Variants in SPTBN1 observed in about 807,000 individuals in gnomAD.
The protein encoded by SPTBN1 is spectrin beta chain, non-erythrocytic 1.
A neutral mutation model predicts 266.4 loss-of-function variants in SPTBN1; 32 were observed. The ratio of observed to expected loss-of-function variants is 0.12; its 90% CI spans 0.09 to 0.16. SPTBN1 has a LOEUF of 0.16. SPTBN1 is among the 10% of genes least tolerant of loss of function. SPTBN1 has a pLI of 1.00. For synonymous variants in SPTBN1, 1,336 were observed against 1,162.2 expected, an observed-to-expected ratio of 1.15 and a Z score of -3.04; for missense variants, 2,296 against 3,067.1, an observed-to-expected ratio of 0.75 and a Z score of 5.94.
chr2:54,623,734 C>T (rs1678145024), intron 10 of SPTBN1, 138 bp downstream of exon 10: 3 of 682,700 alleles, frequency 4.4e-6, no homozygotes, highest in Admixed American at 3.0e-5. Context: ...GCAGCTGGTG[C>T]TCAGGTGTGG....
At chr2:54,660,122 A>G (rs772218559) in intron 32 of SPTBN1, 123 bp downstream of exon 32, 2 of 1,595,860 alleles carry the variant, frequency 1.3e-6, no homozygotes, top group East Asian at 2.2e-5. Flanking sequence ...ACCCTTTCCA[A>G]ATCCTCTGGG....
At chr2:54,595,459 A>G (rs1472393983) in intron 2 of SPTBN1, among the ~76,000 whole-genome samples, 2 of 152,208 alleles carry the variant, frequency 1.3e-5, no homozygotes, top group Non-Finnish European at 2.9e-5. Context: ...GGAGGACTTG[A>G]TAACAGCGAT....
At chr2:54,596,124 C>A (rs1676074066) in intron 2 of SPTBN1, among the ~76,000 whole-genome samples, 1 of 152,142 alleles carries the variant, frequency 6.6e-6, no homozygotes, top group East Asian at 1.9e-4. Flanking sequence ...GCAGCTAGCC[C>A]CAGTCACAGC....
At position 54,623,609 on chromosome 2, in the gene SPTBN1, T is replaced by C; in HGVS notation, c.1182+13T>C. ...TGACATCAACAAGGTAAAGTGGATC[T>C]GGACTCTGCATGGGCCCTGACCTCC... On this transcript the variant is annotated intron_variant, in intron 10 of 35. Coordinates refer to ENST00000356805, the MANE Select transcript of SPTBN1 (RefSeq NM_003128.3). 1 of 1,606,744 alleles carries C rather than the reference T, an allele frequency of 6.2e-7. No individual in the cohort carries two copies. Among genetic ancestry groups the C allele is most frequent in the Non-Finnish European group, 8.5e-7 (1 of 1,174,048 alleles).
At chr2:54,513,293 G>A (rs1358887663) in intron 1 of SPTBN1, among the ~76,000 whole-genome samples, 1 of 152,196 alleles carries the variant, frequency 6.6e-6, no homozygotes, top group Non-Finnish European at 1.5e-5. Flanking sequence ...ACTTAGTATA[G>A]TGTTGGTTTT....
At chr2:54,589,169 G>T (rs1036738633) in intron 2 of SPTBN1, among the ~76,000 whole-genome samples, 5 of 152,292 alleles carry the variant, frequency 3.3e-5, no homozygotes, top group African/African-American at 1.2e-4. Context: ...CATCTTAGAA[G>T]AGGTAGTTGT....
intron 1 of SPTBN1, among the ~76,000 whole-genome samples, chr2:54,513,852 G>A (rs1234198390): frequency 6.6e-6 from 1 of 152,048 alleles, no homozygotes; most frequent in Non-Finnish European, 1.5e-5. Flanking sequence ...TATTTTAGTT[G>A]GTTCAAGTTA....
In SPTBN1 at chr2:54,653,726, G is replaced by A. The variant is rs775058180; in HGVS notation, c.5695G>A (p.Ala1899Thr). The change falls in exon 27 of 36, where the codon GCC (alanine) becomes ACC (threonine). Residue 1899 changes from alanine (A) to threonine (T), a missense_variant. Ala to Thr is a moderately conservative substitution (Grantham distance 58, BLOSUM62 0). This residue lies in a region of SPTBN1 where 644 missense variants were observed against 745.3 expected (regional missense o/e 0.86). Transcript: ENST00000356805. This position sits in a 1 kb window ranked among gnomAD's most constrained non-coding sequence, Gnocchi z 5.1. Reference protein sequence around the residue: ...VLEAWKSLLDACESRRVRLVD... With the variant: ...VLEAWKSLLDTCESRRVRLVD... ...GGAAGCCTGGAAGTCCCTCCTGGAC[G>A]CCTGTGAGAGCCGCAGGGTGCGGCT... 33 of 1,614,064 alleles carry A rather than the reference G, an allele frequency of 2.0e-5. No individual in the cohort carries two copies. The highest frequency in any genetic ancestry group is 6.7e-5 in the Admixed American group (4 of 59,990).
intron 12 of SPTBN1, among the ~76,000 whole-genome samples, chr2:54,627,134 C>T (rs2103907477): frequency 6.6e-6 from 1 of 152,286 alleles, no homozygotes; most frequent in Non-Finnish European, 1.5e-5. Flanking sequence ...CTGTTGCCTA[C>T]CTCTTGGACT....
At chr2:54,666,124 G>A in intron 34 of SPTBN1, 36 bp downstream of exon 34, 1 of 1,579,860 alleles carries the variant, frequency 6.3e-7, no homozygotes, top group Non-Finnish European at 8.6e-7. Context: ...GCCAGAGTGG[G>A]TTTGCATTTA....
intron 32 of SPTBN1, chr2:54,661,745 T>C (rs1681062582): frequency 2.0e-6 from 2 of 985,378 alleles, no homozygotes; most frequent in East Asian, 1.1e-4. Context: ...CATATATATA[T>C]GTGTGTGTGT....
chr2:54,665,145 C>G (rs935369235), intron 33 of SPTBN1, among the ~76,000 whole-genome samples: 1 of 152,156 alleles, frequency 6.6e-6, no homozygotes, highest in African/African-American at 2.4e-5. Flanking sequence ...GAGCGGTTAA[C>G]AAAGCTTTCT....
intron 2 of SPTBN1, among the ~76,000 whole-genome samples, chr2:54,560,456 C>A (rs1276555711): frequency 6.6e-6 from 1 of 152,010 alleles, no homozygotes; most frequent in Non-Finnish European, 1.5e-5. Context: ...GCTGTTATTC[C>A]GAAAGGGCTG....
At chr2:54,544,023 C>G (rs1435724246) in intron 2 of SPTBN1, among the ~76,000 whole-genome samples, 1 of 152,156 alleles carries the variant, frequency 6.6e-6, no homozygotes, top group Admixed American at 6.5e-5. Flanking sequence ...TTACTAAATT[C>G]CCGGGAGGAT....
intron 3 of SPTBN1, among the ~76,000 whole-genome samples, chr2:54,602,353 C>T (rs1676551075): frequency 6.6e-6 from 1 of 152,156 alleles, no homozygotes; most frequent in Non-Finnish European, 1.5e-5. Flanking sequence ...ATGGTTTGCC[C>T]TGCAGCAGCG....
At chr2:54,667,095 G>A (rs1681419714) in intron 34 of SPTBN1, among the ~76,000 whole-genome samples, 1 of 152,168 alleles carries the variant, frequency 6.6e-6, no homozygotes, top group African/African-American at 2.4e-5. Context: ...CCAAGCCTGG[G>A]GACCTCCCAG....
At chr2:54,457,861 G>T (rs935374360) in intron 1 of SPTBN1, among the ~76,000 whole-genome samples, 24 of 152,254 alleles carry the variant, frequency 1.6e-4, no homozygotes, top group African/African-American at 5.8e-4. Context: ...CTCTTCTTGG[G>T]CTGCGCTCTG....
chr2:54,667,277 G>C (rs756957625), intron 34 of SPTBN1, among the ~76,000 whole-genome samples: 1 of 152,202 alleles, frequency 6.6e-6, no homozygotes, highest in East Asian at 1.9e-4. Context: ...CCTGAACTCA[G>C]TTTAGACCAG....
chr2:54,565,735 A>G (rs1229042763), intron 2 of SPTBN1, among the ~76,000 whole-genome samples: 1 of 152,240 alleles, frequency 6.6e-6, no homozygotes, highest in East Asian at 1.9e-4. Flanking sequence ...GGTCTGCTTC[A>G]CAAGATTGTG....
Sources: allele counts gnomAD v4.1 joint callset (sites outside exome capture counted in the v4.1 genomes callset), GRCh38; gene constraint gnomAD v4.1.1; regional missense constraint gnomAD v4.1.1; non-coding constraint Gnocchi (gnomAD v3.1); transcripts MANE v1.5; gene names NCBI Gene and HGNC (gene_info 2026-07-23, HGNC 2026-07-21).